The following XPO6 variants were observed in gnomAD, a reference collection of about 807,000 sequenced individuals.
XPO6 encodes the protein exportin-6.
A neutral mutation model predicts 130.0 loss-of-function variants in XPO6; 3 were observed. That is an observed-to-expected ratio of 0.02 (90% CI 0.01 to 0.06). The LOEUF (loss-of-function observed/expected upper bound fraction) is 0.06. Among genes scored for constraint, XPO6 ranks in the 10% least tolerant of loss-of-function variants. The pLI, the probability that XPO6 is intolerant of heterozygous loss-of-function variation, is 1.00. For missense variants in XPO6, 970 were observed against 1,393.0 expected, an observed-to-expected ratio of 0.70 and a Z score of 4.83; for synonymous variants, 524 against 548.9, an observed-to-expected ratio of 0.95 and a Z score of 0.63.
intron 1 of XPO6, among the ~76,000 whole-genome samples, chr16:28,197,109 G>A (rs753966215): frequency 6.6e-5 from 10 of 151,884 alleles, no homozygotes; most frequent in Admixed American, 1.3e-4. Context: ...AAAATTAGCC[G>A]GGTGTGATGG....
At chr16:28,176,214 T>G (rs2043531289) in intron 3 of XPO6, 119 bp from the exon 4 acceptor site, 2 of 840,892 alleles carry the variant, frequency 2.4e-6, no homozygotes, top group African/African-American at 3.4e-5. Flanking sequence ...AATAAAGGTT[T>G]GGGGCAATAT....
intron 5 of XPO6, among the ~76,000 whole-genome samples, chr16:28,168,695 G>A (rs2043398383): frequency 6.6e-6 from 1 of 150,882 alleles, no homozygotes; most frequent in South Asian, 2.1e-4. Context: ...TCAAACTCCT[G>A]AGCTCAAGCA....
intron 1 of XPO6, among the ~76,000 whole-genome samples, chr16:28,192,556 C>T (rs530412238): frequency 3.9e-5 from 6 of 152,122 alleles, no homozygotes; most frequent in African/African-American, 1.4e-4. Context: ...TAAGGACAGG[C>T]TTCTCTTAAG....
In XPO6 at chr16:28,112,990, G is replaced by T; in HGVS notation, c.2065C>A (p.Arg689=). The change falls in exon 16 of 24, where the codon CGG becomes AGG. Residue 689 remains arginine, a synonymous_variant. Transcript: ENST00000304658. ...GGGATGCTGATCAGAAAGACGGGCCGCACGGTGGTGGCCAGTGAGACCAGT... is the reference window on the plus strand; with the variant it reads ...GGGATGCTGATCAGAAAGACGGGCCTCACGGTGGTGGCCAGTGAGACCAGT... ...HLLVSLATTV[R]PVFLISIPAV... is the part of the protein sequence containing the mutation. The T allele has an allele frequency of 6.2e-7, 1 of 1,614,110 alleles. No individual in the cohort carries two copies. Among genetic ancestry groups the T allele is most frequent in the South Asian group, 1.1e-5 (1 of 91,062 alleles).
intron 9 of XPO6, among the ~76,000 whole-genome samples, chr16:28,142,757 G>A (rs1190634317): frequency 6.6e-6 from 1 of 152,150 alleles, no homozygotes; most frequent in African/African-American, 2.4e-5. Flanking sequence ...TTTTTGTACA[G>A]ACAGAGTCTT....
intron 12 of XPO6, among the ~76,000 whole-genome samples, 190 bp from the exon 13 acceptor site, chr16:28,126,038 G>A (rs551098588): frequency 2.6e-5 from 4 of 152,318 alleles, no homozygotes; most frequent in East Asian, 1.9e-4. Context: ...AACACTACAC[G>A]TTTGTGCTCC....
intron 1 of XPO6, among the ~76,000 whole-genome samples, chr16:28,188,788 G>A (rs1349274003): frequency 3.3e-5 from 5 of 151,690 alleles, no homozygotes; most frequent in East Asian, 3.9e-4. Flanking sequence ...GAACCAGGGC[G>A]AGTGACATCT....
Position 28,107,391 on chromosome 16 carries a change from G to C in XPO6, c.2497+131C>G, listed in dbSNP as rs1216085168. The C allele has an allele frequency of 7.3e-6, 8 of 1,102,530 alleles. No homozygotes were observed. The African/African-American group carries it at 1.1e-4, about 15-fold the overall frequency. 68.3% of individuals were successfully genotyped at this position (1,102,530 alleles called of 1,614,324 possible). A position where few individuals can be genotyped will look rare whatever the true frequency, so the allele number is the denominator to read the frequency against. On this transcript the variant is annotated intron_variant, in intron 18 of 23. Transcript: ENST00000304658. ...TAAACATCACTGCCCTTTCCCCTCA[G>C]TACCGGGTTTCGTTGCACGGAACAA...
chr16:28,144,181 C>T (rs373592772), intron 9 of XPO6, among the ~76,000 whole-genome samples: 1 of 152,156 alleles, frequency 6.6e-6, no homozygotes, highest in East Asian at 1.9e-4. Context: ...AAAACAGGAT[C>T]TCCTGTGTGT....
intron 1 of XPO6, among the ~76,000 whole-genome samples, chr16:28,187,134 T>C (rs1350608555): frequency 1.3e-5 from 2 of 152,294 alleles, no homozygotes; most frequent in East Asian, 3.9e-4. Context: ...GGAAGTTTAC[T>C]AGGAGGATAA....
rs1381661510 is a variant in XPO6 at position 28,106,092 on chromosome 16, G to A, written c.2735C>T (p.Pro912Leu). The A allele has an allele frequency of 6.2e-7, 1 of 1,614,068 alleles. No homozygotes were observed. Among genetic ancestry groups the A allele is most frequent in the Non-Finnish European group, 8.5e-7 (1 of 1,180,040 alleles). ...CTCCATGCACAGGGCGATGATGCTG[G>A]GGAGGAAGGGCTTGAACACCTGGCC... ...EPGQVFKPFL[P>L]SIIALCMEQV... The change falls in exon 20 of 24, where the codon CCC becomes CTC. Residue 912 changes from proline to leucine, a missense_variant. This residue lies in a region of XPO6 where 936 missense variants were observed against 1,306.8 expected (regional missense o/e 0.72). Coordinates refer to ENST00000304658, the MANE Select transcript of XPO6 (RefSeq NM_015171.4). This position sits in a 1 kb window ranked among gnomAD's most constrained non-coding sequence, Gnocchi z 4.2.
At chr16:28,201,108 C>A (rs2043947005) in intron 1 of XPO6, among the ~76,000 whole-genome samples, 1 of 152,088 alleles carries the variant, frequency 6.6e-6, no homozygotes. Context: ...TGGGGCTCCC[C>A]AGTAAGCACA....
At chr16:28,146,023 G>A in intron 9 of XPO6, 71 bp downstream of exon 9, 1 of 1,180,616 alleles carries the variant, frequency 8.5e-7, no homozygotes, top group Admixed American at 1.7e-5. Flanking sequence ...CCAAATGCAT[G>A]GCTGTCTCTT....
intron 1 of XPO6, 147 bp from the exon 2 acceptor site, chr16:28,181,178 G>GA (rs895493576): frequency 3.8e-6 from 2 of 529,372 alleles, no homozygotes; most frequent in African/African-American, 1.9e-5. Flanking sequence ...GTATATGCCA[G>GA]AAAAAACTGA....
chr16:28,178,584 C>T (rs2043567355), intron 2 of XPO6, among the ~76,000 whole-genome samples: 1 of 134,442 alleles, frequency 7.4e-6, no homozygotes, highest in Non-Finnish European at 1.7e-5. Flanking sequence ...AGACACCACG[C>T]ACAGATGGCT....
intron 2 of XPO6, among the ~76,000 whole-genome samples, chr16:28,177,730 C>A (rs2043554853): frequency 6.6e-6 from 1 of 152,192 alleles, no homozygotes; most frequent in South Asian, 2.1e-4. Context: ...CTCTACAAAT[C>A]TTCAGTGGAG....
At position 28,182,027 on chromosome 16, in the gene XPO6, C is replaced by T. The variant is rs1004190120; in HGVS notation, c.4-996G>A. Among the ~76,000 whole-genome samples the T allele has an allele frequency of 5.3e-5, 8 of 152,296 alleles. No individual in the cohort carries two copies. In the East Asian group the frequency reaches 1.5e-3, roughly 29 times the overall value. On this transcript the variant is annotated intron_variant, in intron 1 of 23. Transcript: ENST00000304658. The stretch of plus-strand genomic sequence containing the variant: ...ACACAACCTGCCTGCAAAAAGGTAA[C>T]CATTCCCAAACCATTTTTGAGTCAT...
At chr16:28,149,892 G>T (rs1035355816) in intron 8 of XPO6, among the ~76,000 whole-genome samples, 5 of 152,174 alleles carry the variant, frequency 3.3e-5, no homozygotes, top group African/African-American at 1.2e-4. Context: ...CACATTACAG[G>T]TAATAAAGCT....
intron 7 of XPO6, chr16:28,153,421 T>C: frequency 1.0e-6 from 1 of 984,360 alleles, no homozygotes. Context: ...CCCAGAGAGG[T>C]AAAGTGACCA....
Sources: allele counts gnomAD v4.1 joint callset (sites outside exome capture counted in the v4.1 genomes callset), GRCh38; gene constraint gnomAD v4.1.1; regional missense constraint gnomAD v4.1.1; non-coding constraint Gnocchi (gnomAD v3.1); transcripts MANE v1.5; gene names NCBI Gene and HGNC (gene_info 2026-07-23, HGNC 2026-07-21).